LARGE1: variants seen among roughly 807,000 people sequenced by gnomAD.
LARGE1 encodes the protein xylosyl- and glucuronyltransferase LARGE1.
In LARGE1, 43 loss-of-function variants were observed where a neutral mutation model predicts 87.6. The observed-to-expected ratio is 0.49, with a 90% CI of 0.38 to 0.63. The LOEUF is 0.63. LARGE1 is among the 30% of genes least tolerant of loss of function. The pLI, the probability that LARGE1 is intolerant of heterozygous loss-of-function variation, is 0.00. For synonymous variants in LARGE1, 434 were observed against 394.6 expected, an observed-to-expected ratio of 1.10 and a Z score of -1.18; for missense variants, 802 against 1,000.2, an observed-to-expected ratio of 0.80 and a Z score of 2.67.
intron 6 of LARGE1, among the ~76,000 whole-genome samples, chr22:33,474,230 C>T (rs987411335): frequency 3.3e-5 from 5 of 152,160 alleles, no homozygotes; most frequent in African/African-American, 1.2e-4. Flanking sequence ...ATGGTGCAAT[C>T]TCGGCTCACT....
rs556290668 is a variant in LARGE1, at chr22:33,171,090, G to A, written c.1731-4258C>T. Among the ~76,000 whole-genome samples, 3 of 152,278 alleles carry A rather than the reference G, an allele frequency of 2.0e-5. No homozygotes were observed. In the South Asian group the frequency reaches 6.2e-4, roughly 32 times the overall value. ...TATGCTTTAGTAAAGCAACTGGCAGGATTTTGCCCCTGCCGTAGAGATCTG... is the reference window on the plus strand; with the variant it reads ...TATGCTTTAGTAAAGCAACTGGCAGAATTTTGCCCCTGCCGTAGAGATCTG... On this transcript the variant is annotated intron_variant, in intron 11 of 11. Transcript: ENST00000608642.
chr22:33,566,352 T>G (rs1212359876), intron 5 of LARGE1, among the ~76,000 whole-genome samples: 1 of 152,230 alleles, frequency 6.6e-6, no homozygotes, highest in Non-Finnish European at 1.5e-5. Context: ...AAGCAAGCTT[T>G]AAAACTGCTT....
chr22:33,875,452 C>G (rs577911243), intron 1 of LARGE1, among the ~76,000 whole-genome samples: 14 of 152,194 alleles, frequency 9.2e-5, no homozygotes, highest in Admixed American at 7.9e-4. Flanking sequence ...GGCTGTGCCA[C>G]AGAGAGAGCA....
At chr22:33,688,877 T>C (rs2082017124) in intron 2 of LARGE1, among the ~76,000 whole-genome samples, 2 of 152,016 alleles carry the variant, frequency 1.3e-5, no homozygotes, top group Admixed American at 1.3e-4. Context: ...CGCTGATTGG[T>C]CCCAGTGGGC....
intron 10 of LARGE1, among the ~76,000 whole-genome samples, chr22:33,316,577 C>T (rs1936186168): frequency 6.6e-6 from 1 of 151,944 alleles, no homozygotes; most frequent in Non-Finnish European, 1.5e-5. Context: ...CCTGTCTCTA[C>T]TGAAAATAGA....
intron 6 of LARGE1, among the ~76,000 whole-genome samples, chr22:33,497,951 C>T (rs1486553329): frequency 3.3e-5 from 5 of 152,128 alleles, no homozygotes; most frequent in African/African-American, 4.8e-5. Context: ...GGTATCATCT[C>T]GGCTCACTGC....
intron 1 of LARGE1, among the ~76,000 whole-genome samples, chr22:33,902,018 G>T (rs1435652460): frequency 6.6e-6 from 1 of 152,210 alleles, no homozygotes; most frequent in South Asian, 2.1e-4. Flanking sequence ...ACAGTAATTA[G>T]TGCAAGAGCG....
intron 2 of LARGE1, chr22:33,737,623 G>A (rs2083703718): frequency 6.6e-6 from 1 of 152,194 alleles, no homozygotes; most frequent in Non-Finnish European, 1.5e-5. Flanking sequence ...GCTAACAGAG[G>A]AATAAGCAGA....
At chr22:33,271,924 C>A (rs745773838), downstream of LARGE1, among the ~76,000 whole-genome samples, 7 of 152,192 alleles carry the variant, frequency 4.6e-5, no homozygotes, top group Non-Finnish European at 8.8e-5. Context: ...AGTTTCTGGC[C>A]TTAATAAATT....
chr22:33,433,773 A>G (rs2067168087), intron 6 of LARGE1, among the ~76,000 whole-genome samples: 1 of 152,184 alleles, frequency 6.6e-6, no homozygotes, highest in South Asian at 2.1e-4. Context: ...GACCTTTCTG[A>G]CCAAATGGAA....
chr22:33,172,720 A>T (rs1432732999), intron 11 of LARGE1, among the ~76,000 whole-genome samples: 2 of 152,218 alleles, frequency 1.3e-5, no homozygotes, highest in African/African-American at 2.4e-5. Flanking sequence ...ATACACAAGT[A>T]TCAATAGTCA....
At chr22:33,786,958 T>C (rs1329301416) in intron 1 of LARGE1, among the ~76,000 whole-genome samples, 1 of 150,426 alleles carries the variant, frequency 6.6e-6, no homozygotes, top group Admixed American at 6.6e-5. Context: ...GAAGCAGAGG[T>C]TGAAGTGAGG....
intron 2 of LARGE1, among the ~76,000 whole-genome samples, chr22:33,688,646 C>T (rs909942035): frequency 2.0e-5 from 3 of 152,002 alleles, no homozygotes; most frequent in African/African-American, 7.2e-5. Flanking sequence ...CCACCGCACC[C>T]GGCCCTGCAT....
chr22:33,146,540 G>C, the LARGE1 span, among the ~76,000 whole-genome samples: 96,138 of 151,948 alleles, frequency 0.63, 32,231 homozygotes, highest in African/African-American at 0.87. Flanking sequence ...TGGCCTCTAC[G>C]CTTTACTCTC....
chr22:33,697,070 A>G (rs1405379394), intron 2 of LARGE1, among the ~76,000 whole-genome samples: 2 of 152,048 alleles, frequency 1.3e-5, no homozygotes, highest in Admixed American at 1.3e-4. Context: ...AAGCAGACAC[A>G]CCTGCATGAG....
chr22:33,262,294 C>T (rs919158344), intron 11 of LARGE1, among the ~76,000 whole-genome samples: 3 of 152,164 alleles, frequency 2.0e-5, no homozygotes, highest in Non-Finnish European at 4.4e-5. Context: ...GGAAATTGTC[C>T]CTTCTCCTTT....
At chr22:33,082,957 G>A in the LARGE1 span, among the ~76,000 whole-genome samples, 12 of 152,170 alleles carry the variant, frequency 7.9e-5, no homozygotes, top group South Asian at 2.1e-4. Flanking sequence ...CCCGGGAGGC[G>A]GAGCTTGCAG....
At chr22:33,707,279 C>T (rs240089) in intron 2 of LARGE1, among the ~76,000 whole-genome samples, 2,003 of 152,328 alleles carry the variant, frequency 0.013, 41 homozygotes, top group African/African-American at 0.046. Flanking sequence ...ACAAGCAGGC[C>T]CATCATTTTA....
At chr22:33,302,927 G>A (rs779360830) in intron 12 of LARGE1, among the ~76,000 whole-genome samples, 1 of 152,124 alleles carries the variant, frequency 6.6e-6, no homozygotes, top group African/African-American at 2.4e-5. Flanking sequence ...GAACCAATGG[G>A]ATGATATATG....
Sources: allele counts gnomAD v4.1 joint callset (sites outside exome capture counted in the v4.1 genomes callset), GRCh38; gene constraint gnomAD v4.1.1; transcripts MANE v1.5; gene names NCBI Gene and HGNC (gene_info 2026-07-23, HGNC 2026-07-21).